Variants in CENPP observed in about 807,000 individuals in gnomAD.
The protein encoded by CENPP is centromere protein P.
In CENPP, 24 loss-of-function variants were observed where a neutral mutation model predicts 35.6. That is an observed-to-expected ratio of 0.67 (90% CI 0.49 to 0.95). The LOEUF (loss-of-function observed/expected upper bound fraction) is 0.95. Ranked by LOEUF, CENPP falls within the 40% of genes least tolerant of loss-of-function variation. The pLI, the probability that CENPP is intolerant of heterozygous loss-of-function variation, is 0.00. For synonymous variants in CENPP, 120 were observed against 125.5 expected (o/e 0.96, Z 0.29); for missense variants, 332 against 345.3 (o/e 0.96, Z 0.31).
intron 5 of CENPP, among the ~76,000 whole-genome samples, chr9:92,465,921 C>G (rs1304124016): frequency 6.6e-6 from 1 of 151,770 alleles, no homozygotes; most frequent in African/African-American, 2.4e-5. Context: ...CAACCCCTGC[C>G]TCCTGGGTTC....
chr9:92,529,627 A>G (rs4744138), intron 5 of CENPP, among the ~76,000 whole-genome samples: 57,687 of 152,100 alleles, frequency 0.38, 13,671 homozygotes, highest in African/African-American at 0.67. Context: ...TTCAACACCA[A>G]AAAGAAATGA....
intron 2 of CENPP, among the ~76,000 whole-genome samples, chr9:92,334,143 CAG>C (rs201033392): frequency 0.011 from 1,378 of 121,434 alleles, 20 homozygotes; most frequent in African/African-American, 0.04. Context: ...TTTTTTGAGA[CAG>C]AGTCTTCCTC....
chr9:92,474,987 C>A, intron 5 of CENPP: 1 of 1,408,946 alleles, frequency 7.1e-7, no homozygotes. Context: ...ATACATTTCT[C>A]AGTTCTGGCA....
intron 5 of CENPP, among the ~76,000 whole-genome samples, chr9:92,556,790 C>T (rs1849733566): frequency 6.6e-6 from 1 of 152,174 alleles, no homozygotes; most frequent in Admixed American, 6.5e-5. Context: ...ATCTACTCTG[C>T]TGTTGTGTAT....
chr9:92,431,114 T>A lies in CENPP; in HGVS notation c.564+51255T>A, dbSNP rs186876932. On this transcript the variant is annotated intron_variant, in intron 5 of 7. Coordinates refer to ENST00000375587, the MANE Select transcript of CENPP (RefSeq NM_001012267.3). The stretch of plus-strand genomic sequence containing the variant: ...TGGCCAGTTTCTTTATTTTTAAATT[T>A]AAAAAATTTTTTTGCATTTGAAAAT... 3.2e-4 allele frequency among the ~76,000 whole-genome samples: 49 copies of A among 152,278 alleles called. 2 individuals carry two copies. In the East Asian group the frequency reaches 7.0e-3, roughly 22 times the overall value.
At chr9:92,587,486 G>GGA (rs1300360053) in intron 5 of CENPP, among the ~76,000 whole-genome samples, 1 of 151,806 alleles carries the variant, frequency 6.6e-6, no homozygotes, top group Non-Finnish European at 1.5e-5. Context: ...AAAGGGGGGG[G>GGA]ACCAATCAAA....
chr9:92,483,519 T>C (rs1051499320), intron 5 of CENPP, among the ~76,000 whole-genome samples: 5 of 152,144 alleles, frequency 3.3e-5, no homozygotes, highest in Admixed American at 1.3e-4. Context: ...TGAGCCACCA[T>C]GGCCGGCCTG....
At chr9:92,506,224 C>G (rs1847000761) in intron 5 of CENPP, among the ~76,000 whole-genome samples, 1 of 152,182 alleles carries the variant, frequency 6.6e-6, no homozygotes, top group African/African-American at 2.4e-5. Flanking sequence ...CCCTCAGTCT[C>G]TGAACAAGGG....
chr9:92,474,742 C>CTCATCATCATCATCATCATCATCA, intron 5 of CENPP: 2 of 1,534,088 alleles, frequency 1.3e-6, no homozygotes, highest in South Asian at 1.2e-5. Flanking sequence ...GAGAGTTGTC[C>CTCATCATCATCATCATCATCATCA]TCATCATCAT....
intron 5 of CENPP, chr9:92,512,227 TGGA>T (rs1318851941): frequency 6.0e-6 from 4 of 667,050 alleles, no homozygotes; most frequent in Non-Finnish European, 1.0e-5. Flanking sequence ...GAGCTTTGTC[TGGA>T]GGAGAAAGCA....
At chr9:92,418,821 A>C (rs1843697451) in intron 5 of CENPP, among the ~76,000 whole-genome samples, 1 of 152,160 alleles carries the variant, frequency 6.6e-6, no homozygotes, top group Non-Finnish European at 1.5e-5. Flanking sequence ...TTTCCTCATG[A>C]AACAGTTTCC....
At chr9:92,446,416 T>C (rs1844553089) in intron 5 of CENPP, among the ~76,000 whole-genome samples, 1 of 152,210 alleles carries the variant, frequency 6.6e-6, no homozygotes, top group African/African-American at 2.4e-5. Flanking sequence ...CCTCCATTAA[T>C]AAATACTTAA....
intron 5 of CENPP, among the ~76,000 whole-genome samples, chr9:92,515,836 A>AC (rs1328285809): frequency 6.6e-6 from 1 of 152,166 alleles, no homozygotes; most frequent in Non-Finnish European, 1.5e-5. Context: ...AGACTTACAA[A>AC]TGACATTCTG....
chr9:92,337,879 T>G (rs1396889627), intron 3 of CENPP, among the ~76,000 whole-genome samples: 1 of 152,252 alleles, frequency 6.6e-6, no homozygotes, highest in East Asian at 1.9e-4. Flanking sequence ...AAGATGCTCC[T>G]GGGCTTCCAG....
Position 92,615,798 on chromosome 9 carries a change from A to T in CENPP, c.*2649A>T. On this transcript the variant is annotated 3_prime_UTR_variant, in exon 8 of 8. Transcript: ENST00000375587. ...ATCTCTATCATTCAGCCTTCACATT[A>T]TGTTCAAGTTTCAAAGACACTGCAG... is the stretch of plus-strand genomic sequence containing the variant. 2 of 1,477,346 alleles carry T rather than the reference A, an allele frequency of 1.4e-6. No individual in the cohort carries two copies. Among genetic ancestry groups the T allele is most frequent in the Non-Finnish European group, 1.9e-6 (2 of 1,056,504 alleles). The allele number at this position is 1,477,346 out of a possible 1,614,324, so 91.5% of individuals were successfully genotyped here.
chr9:92,610,446 A>G (rs1457030907), intron 5 of CENPP: 3 of 152,234 alleles, frequency 2.0e-5, no homozygotes, highest in African/African-American at 7.2e-5. Flanking sequence ...TCCAGTAAGC[A>G]AACTGTGTTG....
intron 5 of CENPP, among the ~76,000 whole-genome samples, chr9:92,458,349 A>G (rs1844962357): frequency 6.6e-6 from 1 of 152,164 alleles, no homozygotes; most frequent in Non-Finnish European, 1.5e-5. Flanking sequence ...TTTGCTGGCC[A>G]ACGTGGGATA....
intron 5 of CENPP, chr9:92,500,959 G>T: frequency 6.2e-7 from 1 of 1,614,170 alleles, no homozygotes. Flanking sequence ...CGTTCAATCT[G>T]GTTCCCAAGG....
rs759989715 is a variant in CENPP at position 92,615,867 on chromosome 9, T to C, written c.*2718T>C. ...TGGAGAACTAATGTGCAATCTTCGC[T>C]TTCCTTGAACCGAGTCGACATCACG... On this transcript the variant is annotated 3_prime_UTR_variant, in exon 8 of 8. Transcript: ENST00000375587. The C allele has an allele frequency of 6.2e-7, 1 of 1,614,208 alleles. No homozygotes were observed. Among genetic ancestry groups the C allele is most frequent in the South Asian group, 1.1e-5 (1 of 91,082 alleles).
Sources: allele counts gnomAD v4.1 joint callset (sites outside exome capture counted in the v4.1 genomes callset), GRCh38; gene constraint gnomAD v4.1.1; transcripts MANE v1.5; gene names NCBI Gene and HGNC (gene_info 2026-07-23, HGNC 2026-07-21).